Variants in SLC39A4 observed in about 807,000 individuals in gnomAD.
SLC39A4 encodes solute carrier family 39 member 4.
A neutral mutation model predicts 56.6 loss-of-function variants in SLC39A4; 49 were observed. The ratio of observed to expected loss-of-function variants is 0.87; its 90% CI spans 0.69 to 1.10. The LOEUF is 1.10. SLC39A4 is among the 50% of genes least tolerant of loss of function. SLC39A4 has a pLI of 0.00. For missense variants in SLC39A4, 993 were observed against 864.2 expected, an observed-to-expected ratio of 1.15 and a Z score of -1.87; for synonymous variants, 540 against 420.4, an observed-to-expected ratio of 1.28 and a Z score of -3.48.
chr8:144,413,176 G>A, intron 10 of SLC39A4, 61 bp downstream of exon 10: 5 of 1,503,714 alleles, frequency 3.3e-6, no homozygotes, highest in Non-Finnish European at 4.4e-6. Context: ...CCTGTTCCAG[G>A]TCTCCCCTCC....
rs1182732202 is a variant in SLC39A4 at position 144,413,105 on chromosome 8, C to T, written c.1627+132G>A. The T allele has an allele frequency of 1.1e-5, 16 of 1,478,812 alleles. No homozygotes were observed. In the Admixed American group the frequency reaches 2.8e-4, roughly 26 times the overall value. 91.6% of individuals were successfully genotyped at this position (1,478,812 alleles called of 1,614,324 possible). ...CCATCACCTTCCAGGCCCCGCCCCA[C>T]CTGTTTCCGGTCTCCCCACCCAGCC... On this transcript the variant is annotated intron_variant, in intron 10 of 11. Coordinates refer to ENST00000301305, the MANE Select transcript of SLC39A4 (RefSeq NM_130849.4).
In SLC39A4 at chr8:144,415,888, G is replaced by A. The variant is rs1554873825; in HGVS notation, c.396C>T (p.Ser132=). 6.3e-7 allele frequency: 1 copy of A among 1,596,280 alleles called. No individual in the cohort carries two copies. Residue 132 remains serine, a synonymous_variant, in exon 2 of 12, where the codon AGC becomes AGT. Coordinates refer to ENST00000301305, the MANE Select transcript of SLC39A4 (RefSeq NM_130849.4). The part of the protein sequence containing the change: ...HADHLLALLE[S]PKALTPGLSW... ...TCAGGCCCGGGGTCAGGGCCTTGGGGCTCTCGAGCAGGGCCAGGAGGTGGT... is the reference window on the plus strand; with the variant it reads ...TCAGGCCCGGGGTCAGGGCCTTGGGACTCTCGAGCAGGGCCAGGAGGTGGT...
Position 144,413,400 on chromosome 8 carries a change from A to G in SLC39A4, c.1475-11T>C. 6.2e-7 allele frequency: 1 copy of G among 1,608,442 alleles called. No individual in the cohort carries two copies. The highest frequency in any genetic ancestry group is 1.1e-5 in the South Asian group (1 of 90,332). On this transcript the variant is annotated splice_polypyrimidine_tract_variant and intron_variant, in intron 9 of 11. Transcript: ENST00000301305. ...GCAGTAGCCTCAACTCTGCGGGCGC[A>G]GAGGCCCGTGGGTTCGCGTGGCCTG... is the stretch of plus-strand genomic sequence containing the variant.
At chr8:144,414,179 T>G (rs1586651541) in intron 6 of SLC39A4, 83 bp downstream of exon 6, 6 of 1,558,730 alleles carry the variant, frequency 3.8e-6, no homozygotes, top group African/African-American at 2.8e-5. Context: ...GGAGGTGGGG[T>G]GGGTAAGGTC....
Position 144,414,838 on chromosome 8 carries a change from AC to A in SLC39A4, c.862del (p.Val288Ter), listed in dbSNP as rs2130799141. 1.2e-6 allele frequency: 2 copies of A among 1,612,798 alleles called. No individual in the cohort carries two copies. The highest frequency in any genetic ancestry group is 1.7e-6 in the Non-Finnish European group (2 of 1,179,906). On this transcript the variant is annotated frameshift_variant, in exon 5 of 12. Transcript: ENST00000301305. LOFTEE classifies it high-confidence loss of function. ...CAGTTGGGCCCAGGCCTCCGGGGTC[AC>A]CCCAGCCTGTTCCGACAGTCCATAT... ...AAYGLSEQAG[V>X]TPEAWAQLSP...
At chr8:144,414,123 G>A (rs1822050473) in intron 6 of SLC39A4, 28 bp from the exon 7 acceptor site, 2 of 1,555,026 alleles carry the variant, frequency 1.3e-6, no homozygotes, top group Non-Finnish European at 1.7e-6. Context: ...TGGGCTGGGG[G>A]GGAGGTCCCA....
rs1822076429 is a variant in SLC39A4, at chr8:144,414,414, C to T, written c.997G>A (p.Ala333Thr). The T allele has an allele frequency of 1.9e-6, 3 of 1,562,040 alleles. No individual in the cohort carries two copies. Among genetic ancestry groups the T allele is most frequent in the Admixed American group, 1.9e-5 (1 of 51,324 alleles). The change falls in exon 6 of 12, where the codon GCC (alanine) becomes ACC (threonine). Residue 333 changes from alanine to threonine, a missense_variant. By Grantham distance (58) the Ala-to-Thr change is moderately conservative. Transcript: ENST00000301305. ...GCGCAGAGGCAGATGAGCAGCGTGG[C>T]CAGGGAGCCGTACAGATACCCTGGG... ...QSERYLYGSL[A>T]TLLICLCAVF... is the part of the protein sequence containing the mutation.
rs199692848 is a variant in SLC39A4 at position 144,414,939 on chromosome 8, G to A, written c.804+35C>T. On this transcript the variant is annotated intron_variant, in intron 4 of 11. Transcript: ENST00000301305. ...AGGCTCAGGGGCCCAAGCAGACCCC[G>A]GTGAGGCCCCATCTTACCCCAGGGC... 1.9e-3 allele frequency: 3,061 copies of A among 1,612,992 alleles called. 8 individuals are homozygous for A. Among genetic ancestry groups the A allele is most frequent in the Non-Finnish European group, 2.0e-3 (2,385 of 1,179,946 alleles).
intron 5 of SLC39A4, 108 bp from the exon 6 acceptor site, chr8:144,414,542 C>A: frequency 6.6e-7 from 1 of 1,517,516 alleles, no homozygotes; most frequent in South Asian, 1.2e-5. Context: ...CAGGCCCTCA[C>A]TCAGGCTGAC....
In SLC39A4 at chr8:144,413,957, C is replaced by A. The variant is rs1554872740; in HGVS notation, c.1287+1G>T. Reference sequence around the variant, plus strand: ...CCGGGTACCTTCCCAAGAAGCCTGACCTCCGGGTCCCTGGGCAGCAGGAGA... The same window carrying A: ...CCGGGTACCTTCCCAAGAAGCCTGAACTCCGGGTCCCTGGGCAGCAGGAGA... On this transcript the variant is annotated splice_donor_variant, in intron 7 of 11. Coordinates refer to ENST00000301305, the MANE Select transcript of SLC39A4 (RefSeq NM_130849.4). LOFTEE classifies it high-confidence loss of function. The A allele has an allele frequency of 6.2e-7, 1 of 1,610,672 alleles. No individual in the cohort carries two copies. The highest frequency in any genetic ancestry group is 8.5e-7 in the Non-Finnish European group (1 of 1,178,802).
chr8:144,413,035 C>A lies in SLC39A4; in HGVS notation c.1628-89G>T. The A allele has an allele frequency of 2.6e-6, 4 of 1,512,834 alleles. No individual in the cohort carries two copies. The South Asian group carries it at 4.8e-5, about 18-fold the overall frequency. 93.7% of individuals were successfully genotyped at this position (1,512,834 alleles called of 1,614,324 possible). ...GGTCCCGCCCTCTTACCACCAGGCC[C>A]CGCCCACCTGTTCCCGGTCTCCCCG... On this transcript the variant is annotated intron_variant, in intron 10 of 11. Coordinates refer to ENST00000301305, the MANE Select transcript of SLC39A4 (RefSeq NM_130849.4).
Position 144,413,341 on chromosome 8 carries a change from T to C in SLC39A4, c.1523A>G (p.Asn508Ser), listed in dbSNP as rs1821983842. The change falls in exon 10 of 12, where the codon AAC (asparagine) becomes AGC (serine). Residue 508 changes from asparagine (N) to serine (S), a missense_variant. Asn to Ser is a conservative substitution (Grantham distance 46). Coordinates refer to ENST00000301305, the MANE Select transcript of SLC39A4 (RefSeq NM_130849.4). The stretch of plus-strand genomic sequence containing the variant: ...GCCCACGGCCAGCCCGTCGGCGAAG[T>C]TGTGCACGGCGTCGCCCAGAGTGAT... ...YMITLGDAVHNFADGLAVGAA... is the reference protein window; with the variant it reads ...YMITLGDAVHSFADGLAVGAA... The C allele has an allele frequency of 1.2e-6, 2 of 1,606,850 alleles. No individual in the cohort carries two copies. Among genetic ancestry groups the C allele is most frequent in the Non-Finnish European group, 8.5e-7 (1 of 1,179,384 alleles).
chr8:144,412,522 G>A lies in SLC39A4; in HGVS notation c.*16C>T, dbSNP rs782429285. ...TGTGGGATCTTAAGTCAAAGGTGGG[G>A]GACTAGGGCAGGGTATCAGAAGGTG... is the stretch of plus-strand genomic sequence containing the variant. On this transcript the variant is annotated 3_prime_UTR_variant, in exon 12 of 12. Coordinates refer to ENST00000301305, the MANE Select transcript of SLC39A4 (RefSeq NM_130849.4). The A allele has an allele frequency of 3.1e-6, 5 of 1,614,106 alleles. No individual in the cohort carries two copies. The highest frequency in any genetic ancestry group is 1.7e-5 in the Admixed American group (1 of 60,018).
rs199542349 is a variant in SLC39A4 at position 144,414,041 on chromosome 8, G to A, written c.1204C>T (p.Arg402Cys). The part of the protein sequence containing the change: ...EEGLSPQPTW[R>C]LLAMLAGLYA... ...AGCCCGGCCAGCATAGCCAGGAGGC[G>A]CCAGGTGGGCTGTGGGCTGAGGCCC... Residue 402 changes from arginine (R) to cysteine (C), a missense_variant, in exon 7 of 12, where the codon CGC becomes TGC. Arg to Cys is a radical substitution (Grantham distance 180). Transcript: ENST00000301305. 1.5e-4 allele frequency: 240 copies of A among 1,582,686 alleles called. 1 individual carries two copies. In the East Asian group the frequency reaches 1.9e-3, roughly 13 times the overall value.
Position 144,414,736 on chromosome 8 carries a change from C to T in SLC39A4, c.965G>A (p.Ser322Asn), listed in dbSNP as rs1026306474. ...QSRPPVQDQLSQSERYLYGSL... is the reference protein window; with the variant it reads ...QSRPPVQDQLNQSERYLYGSL... ...GCGTGGGCACTCACTCTCTGACTGG[C>T]TGAGCTGGTCCTGGACGGGGGGCCT... The change falls in exon 5 of 12, where the codon AGC becomes AAC. Residue 322 changes from serine to asparagine, a missense_variant. Ser to Asn is a conservative substitution (Grantham distance 46, BLOSUM62 1). Coordinates refer to ENST00000301305, the MANE Select transcript of SLC39A4 (RefSeq NM_130849.4). 6.2e-7 allele frequency: 1 copy of T among 1,612,720 alleles called. No homozygotes were observed. The highest frequency in any genetic ancestry group is 8.5e-7 in the Non-Finnish European group (1 of 1,179,790).
intron 1 of SLC39A4, 189 bp from the exon 2 acceptor site, chr8:144,416,280 G>A (rs1257622834): frequency 6.6e-5 from 102 of 1,540,306 alleles, no homozygotes; most frequent in East Asian, 1.4e-4. Flanking sequence ...AGGGGTGCAC[G>A]CAGAGGGGTC....
At chr8:144,414,683 C>T (rs1554873172) in intron 5 of SLC39A4, 42 bp downstream of exon 5, 10 of 1,608,180 alleles carry the variant, frequency 6.2e-6, no homozygotes, top group South Asian at 2.2e-5. Context: ...TACACGGGCT[C>T]CACCTCTGTG....
At position 144,415,984 on chromosome 8, in the gene SLC39A4, G is replaced by A. The variant is rs374813285; in HGVS notation, c.300C>T (p.Ala100=). 4.7e-5 allele frequency: 75 copies of A among 1,591,098 alleles called. No homozygotes were observed. Among genetic ancestry groups the A allele is most frequent in the East Asian group, 1.6e-4 (7 of 44,112 alleles). ...CCTCGGGGTTGCTGAGGTACAGGAC[G>A]GCGGCGGCACTGAGGCGGGCGACGT... ...ARYVARLSAA[A]VLYLSNPEGT... Residue 100 remains alanine, a synonymous_variant, in exon 2 of 12, where the codon GCC becomes GCT. Transcript: ENST00000301305.
Position 144,414,302 on chromosome 8 carries a change from C to G in SLC39A4, c.1109G>C (p.Gly370Ala). Residue 370 changes from glycine (G) to alanine (A), a missense_variant, in exon 6 of 12, where the codon GGT becomes GCT. By Grantham distance (60) the Gly-to-Ala change is moderately conservative (BLOSUM62 0). Transcript: ENST00000301305. ...ILQTFLSLAV[G>A]AVTGDAVLHL... ...CAGGACAGCGTCCCCAGTGACTGCA[C>G]CCACTGCCAGGCTCAGGAAGGTCTG... The G allele has an allele frequency of 6.2e-7, 1 of 1,606,912 alleles. No individual in the cohort carries two copies. The highest frequency in any genetic ancestry group is 8.5e-7 in the Non-Finnish European group (1 of 1,177,932).
Sources: gnomAD v4.1 joint callset for allele counts on GRCh38, gnomAD v4.1.1 for gene constraint, MANE v1.5 for transcripts, NCBI Gene and HGNC (gene_info 2026-07-23, HGNC 2026-07-21) for gene names.